Variants in SNRPG observed in about 807,000 individuals in gnomAD.
The protein encoded by SNRPG is small nuclear ribonucleoprotein G.
A neutral mutation model predicts 13.9 loss-of-function variants in SNRPG; 3 were observed. The ratio of observed to expected loss-of-function variants is 0.22; its 90% CI spans 0.10 to 0.56. The LOEUF (loss-of-function observed/expected upper bound fraction) is 0.56, where lower values mean the gene tolerates loss of function less well. SNRPG is among the 20% of genes least tolerant of loss of function. The pLI is 0.93. For missense variants in SNRPG, 34 were observed against 96.1 expected, an observed-to-expected ratio of 0.35 and a Z score of 2.70; for synonymous variants, 29 against 29.3, an observed-to-expected ratio of 0.99 and a Z score of 0.03.
chr2:70,287,114 T>A, intron 3 of SNRPG: 1 of 571,806 alleles, frequency 1.7e-6, no homozygotes, highest in Middle Eastern at 4.5e-4. Context: ...TGAAAAAGTA[T>A]CTGAAATAAG....
intron 3 of SNRPG, chr2:70,287,341 T>C (rs766739017): frequency 1.4e-6 from 1 of 702,952 alleles, no homozygotes; most frequent in Non-Finnish European, 2.6e-6. Context: ...TTCAAGAACT[T>C]TGGGCTTACC....
chr2:70,291,042 C>CA (rs1240805054), intron 1 of SNRPG, among the ~76,000 whole-genome samples: 2 of 132,788 alleles, frequency 1.5e-5, no homozygotes, highest in Non-Finnish European at 1.7e-5. Context: ...CACACACACA[C>CA]ACACACACAC....
At chr2:70,290,881 C>CATGCTTGT (rs1697071794) in intron 1 of SNRPG, among the ~76,000 whole-genome samples, 1 of 130,174 alleles carries the variant, frequency 7.7e-6, no homozygotes, top group South Asian at 2.5e-4. Flanking sequence ...TGTGTTGGTG[C>CATGCTTGT]ATGCTTGTAA....
At chr2:70,283,122 A>AAAAACC in intron 3 of SNRPG, among the ~76,000 whole-genome samples, 1 of 82,992 alleles carries the variant, frequency 1.2e-5, no homozygotes, top group South Asian at 5.0e-4. Flanking sequence ...AAAAAAAAAA[A>AAAAACC]AACAACAAAC....
At chr2:70,289,221 G>A (rs1697017430) in intron 2 of SNRPG, 129 bp downstream of exon 2, 2 of 549,388 alleles carry the variant, frequency 3.6e-6, no homozygotes, top group Admixed American at 3.3e-5. Context: ...CCAAAGTGCT[G>A]GGATTACAGC....
chr2:70,290,682 T>C (rs1048708641), intron 1 of SNRPG, among the ~76,000 whole-genome samples: 1 of 151,668 alleles, frequency 6.6e-6, no homozygotes, highest in African/African-American at 2.4e-5. Flanking sequence ...TAGATACATT[T>C]ACAAGTAAAA....
chr2:70,282,790 T>TA (rs980655978), intron 3 of SNRPG, among the ~76,000 whole-genome samples: 28 of 152,074 alleles, frequency 1.8e-4, no homozygotes, highest in African/African-American at 6.8e-4. Context: ...AGATAAGCCA[T>TA]AAATGAAGAT....
intron 3 of SNRPG, chr2:70,287,726 T>A: frequency 2.5e-6 from 1 of 394,954 alleles, no homozygotes; most frequent in Non-Finnish European, 4.5e-6. Flanking sequence ...AGAATCTTCA[T>A]TTTAAGAAGA....
In SNRPG at chr2:70,281,387, A is replaced by C. The variant is rs927840214; in HGVS notation, c.*247T>G. The C allele has an allele frequency of 1.9e-5, 6 of 315,160 alleles. No homozygotes were observed. The highest frequency in any genetic ancestry group is 1.3e-4 in the African/African-American group (6 of 45,804). 19.5% of individuals were successfully genotyped at this position (315,160 alleles called of 1,614,324 possible). A position where few individuals can be genotyped will look rare whatever the true frequency, so the allele number is the denominator to read the frequency against. ...TCCTTGCCATGTTTCACATTTAATAAGATTCTTTCACTTTAATGCATAAAA... is the reference window on the plus strand; with the variant it reads ...TCCTTGCCATGTTTCACATTTAATACGATTCTTTCACTTTAATGCATAAAA... On this transcript the variant is annotated 3_prime_UTR_variant, in exon 4 of 4. Transcript: ENST00000272348.
chr2:70,289,484 G>T, intron 1 of SNRPG, 112 bp from the exon 2 acceptor site: 1 of 602,274 alleles, frequency 1.7e-6, no homozygotes, highest in Admixed American at 3.1e-5. Context: ...TGGGAATAAT[G>T]AAATCTAAAA....
chr2:70,289,334 A>G lies in SNRPG; in HGVS notation c.55+16T>C, dbSNP rs1486311103. ...TTAAATAATTAAAAAAAACCCCAAA[A>G]CAACAACAAACTTACATGATAACTT... On this transcript the variant is annotated intron_variant, in intron 2 of 3. Transcript: ENST00000272348. 1 of 1,404,664 alleles carries G rather than the reference A, an allele frequency of 7.1e-7. No homozygotes were observed. The highest frequency in any genetic ancestry group is 9.9e-7 in the Non-Finnish European group (1 of 1,009,226). The allele number at this position is 1,404,664 out of a possible 1,614,324, so 87.0% of individuals were successfully genotyped here.
At chr2:70,291,813 G>C (rs1697104332) in intron 1 of SNRPG, among the ~76,000 whole-genome samples, 1 of 150,510 alleles carries the variant, frequency 6.6e-6, no homozygotes, top group South Asian at 2.1e-4. Flanking sequence ...ATTACAAGTA[G>C]AGAATGGTCT....
intron 1 of SNRPG, chr2:70,292,941 T>TA (rs759083242): frequency 3.5e-6 from 2 of 578,106 alleles, no homozygotes; most frequent in East Asian, 5.6e-5. Flanking sequence ...CTCTCCTACT[T>TA]AAAGTTGTTT....
At chr2:70,287,701 C>T (rs1696977730) in intron 3 of SNRPG, 2 of 399,314 alleles carry the variant, frequency 5.0e-6, no homozygotes, top group African/African-American at 2.0e-5. Flanking sequence ...AGTTCTGCCC[C>T]ATACCTACTG....
intron 1 of SNRPG, 25 bp from the exon 2 acceptor site, chr2:70,289,397 T>C (rs1406860611): frequency 1.0e-5 from 13 of 1,295,854 alleles, no homozygotes; most frequent in Non-Finnish European, 1.4e-5. Context: ...GGGTAAAGAT[T>C]ATATAACCAA....
chr2:70,283,108 A>AAAAAAAAAAAAAAAAAAAAAAAAC (rs1696845494), intron 3 of SNRPG, among the ~76,000 whole-genome samples: 1 of 146,982 alleles, frequency 6.8e-6, no homozygotes, highest in African/African-American at 2.5e-5. Context: ...AAAAAAAAAA[A>AAAAAAAAAAAAAAAAAAAAAAAAC]AAAAAAAAAA....
At chr2:70,293,546 C>A in intron 1 of SNRPG, 72 bp downstream of exon 1, 4 of 1,270,916 alleles carry the variant, frequency 3.1e-6, no homozygotes, top group Non-Finnish European at 4.6e-6. Flanking sequence ...ATTCGGCTAA[C>A]GGAGAGGGAA....
chr2:70,289,570 AG>A (rs1329335312), intron 1 of SNRPG, among the ~76,000 whole-genome samples, 198 bp from the exon 2 acceptor site: 2 of 152,130 alleles, frequency 1.3e-5, no homozygotes, highest in Non-Finnish European at 2.9e-5. Context: ...CCAGCACTTT[AG>A]GGGGCTGAGG....
chr2:70,292,896 T>G (rs1245161182), intron 1 of SNRPG: 1 of 507,670 alleles, frequency 2.0e-6, no homozygotes, highest in African/African-American at 1.9e-5. Flanking sequence ...TTTGAGGAAT[T>G]CAAAGCTTTA....
Sources: allele counts gnomAD v4.1 joint callset (sites outside exome capture counted in the v4.1 genomes callset), GRCh38; gene constraint gnomAD v4.1.1; transcripts MANE v1.5; gene names NCBI Gene and HGNC (gene_info 2026-07-23, HGNC 2026-07-21).